Variants in PAX3 observed in about 807,000 individuals in gnomAD.
The protein encoded by PAX3 is paired box 3.
PAX3 carries 14 observed loss-of-function variants against 51.6 expected under a neutral mutation model. The ratio of observed to expected loss-of-function variants is 0.27; its 90% CI spans 0.18 to 0.42. The LOEUF (loss-of-function observed/expected upper bound fraction) is 0.42, where lower values mean the gene tolerates loss of function less well. Among genes scored for constraint, PAX3 ranks in the 10% least tolerant of loss-of-function variants. PAX3 has a pLI of 1.00. For synonymous variants in PAX3, 280 were observed against 253.4 expected (o/e 1.11, Z -1.00); for missense variants, 540 against 642.8 (o/e 0.84, Z 1.73).
rs762446077 is a variant in PAX3, at chr2:222,202,128, G to A, written c.1236C>T (p.Leu412=). Residue 412 remains leucine (L), a synonymous_variant, in exon 8 of 9, where the codon CTC becomes CTT. Coordinates refer to ENST00000392070, the MANE Select transcript of PAX3 (RefSeq NM_181458.4). ...GTTCCAGACCCCCGGTGAGAGGGGA[G>A]AGCGCGTAATCAGTCTGGGGCTGAT... is the stretch of plus-strand genomic sequence containing the variant. ...VPHQPQTDYA[L]SPLTGGLEPT... 4 of 1,613,184 alleles carry A rather than the reference G, an allele frequency of 2.5e-6. No individual in the cohort carries two copies. The highest frequency in any genetic ancestry group is 3.4e-6 in the Non-Finnish European group (4 of 1,179,592).
intron 2 of PAX3, among the ~76,000 whole-genome samples, chr2:222,296,147 A>G (rs45591638): frequency 3.3e-5 from 5 of 152,398 alleles, no homozygotes; most frequent in Admixed American, 3.3e-4. Context: ...CTTCGAGTCG[A>G]TAACAAATAT....
chr2:222,216,554 G>A lies in PAX3; in HGVS notation c.1173+3586C>T, dbSNP rs555494965. Among the ~76,000 whole-genome samples, 6 of 152,298 alleles carry A rather than the reference G, an allele frequency of 3.9e-5. No individual in the cohort carries two copies. The East Asian group carries it at 1.2e-3, about 29-fold the overall frequency. ...CTCCCTGAGACACTGCTTCACACCA[G>A]CCCCTCATGAAGCTGAGACCTTCTC... On this transcript the variant is annotated intron_variant, in intron 7 of 8. Coordinates refer to ENST00000392070, the MANE Select transcript of PAX3 (RefSeq NM_181458.4).
intron 4 of PAX3, among the ~76,000 whole-genome samples, chr2:222,247,460 T>C (rs1693271747): frequency 6.6e-6 from 1 of 152,192 alleles, no homozygotes; most frequent in Non-Finnish European, 1.5e-5. Context: ...TTTTAAAACC[T>C]AGAAATCACT....
chr2:222,200,251 G>A lies in PAX3; in HGVS notation c.*1157C>T, dbSNP rs1691242962. The A allele has an allele frequency of 9.1e-6, 2 of 218,948 alleles. No individual in the cohort carries two copies. Among genetic ancestry groups the A allele is most frequent in the East Asian group, 1.4e-4 (2 of 14,736 alleles). The allele number at this position is 218,948 out of a possible 1,614,324, so 13.6% of individuals were successfully genotyped here. On this transcript the variant is annotated 3_prime_UTR_variant, in exon 9 of 9. Transcript: ENST00000392070. ...ACCACACAAACGTATGTAAACCTCA[G>A]TTCCTATAATCTTTTAATATTGGAT... is the stretch of plus-strand genomic sequence containing the variant.
chr2:222,208,123 C>T (rs1340143817), intron 7 of PAX3, among the ~76,000 whole-genome samples: 1 of 151,886 alleles, frequency 6.6e-6, no homozygotes, highest in East Asian at 1.9e-4. Flanking sequence ...AATGAAAAAG[C>T]ATGCCAGTTA....
chr2:222,212,097 A>G (rs1296718751), intron 7 of PAX3, among the ~76,000 whole-genome samples: 1 of 152,148 alleles, frequency 6.6e-6, no homozygotes, highest in African/African-American at 2.4e-5. Context: ...TGTGGCATCA[A>G]TAGAGGCTAA....
At chr2:222,252,984 G>A (rs1693495446) in intron 4 of PAX3, among the ~76,000 whole-genome samples, 1 of 152,094 alleles carries the variant, frequency 6.6e-6, no homozygotes, top group South Asian at 2.1e-4. Context: ...TCCCAGAAAT[G>A]CTAGAACCAA....
rs1319212514 is a variant in PAX3, at chr2:222,297,104, G to C, written c.195C>G (p.His65Gln). 6.2e-7 allele frequency: 1 copy of C among 1,613,948 alleles called. No individual in the cohort carries two copies. Among genetic ancestry groups the C allele is most frequent in the South Asian group, 1.1e-5 (1 of 91,022 alleles). ...GCGAGATGACGCAGGGCCGGATGCC[G>C]TGGTGGGCCATCTCCACGATCTTGT... ...IRHKIVEMAH[H>Q]GIRPCVISRQ... The change falls in exon 2 of 9, where the codon CAC becomes CAG. Residue 65 changes from histidine (H) to glutamine (Q), a missense_variant. Coordinates refer to ENST00000392070, the MANE Select transcript of PAX3 (RefSeq NM_181458.4).
chr2:222,280,324 G>A (rs371337189), intron 4 of PAX3, among the ~76,000 whole-genome samples: 2 of 135,586 alleles, frequency 1.5e-5, no homozygotes, highest in East Asian at 4.3e-4. Flanking sequence ...AGGAGGGGGA[G>A]GGGAGGGGAG....
chr2:222,259,011 A>G (rs1693748502), intron 4 of PAX3, among the ~76,000 whole-genome samples: 1 of 152,230 alleles, frequency 6.6e-6, no homozygotes, highest in Non-Finnish European at 1.5e-5. Flanking sequence ...AGCCAGCGTC[A>G]ACAAGAAGAC....
chr2:222,281,534 T>A (rs1265885068), intron 4 of PAX3, among the ~76,000 whole-genome samples: 1 of 152,252 alleles, frequency 6.6e-6, no homozygotes, highest in South Asian at 2.1e-4. Context: ...TCTGATGATC[T>A]GTCAGTAACC....
intron 7 of PAX3, among the ~76,000 whole-genome samples, chr2:222,208,371 G>A (rs1691594352): frequency 6.6e-6 from 1 of 152,080 alleles, no homozygotes; most frequent in African/African-American, 2.4e-5. Flanking sequence ...AGCATATTAA[G>A]AGGGACTGAC....
Position 222,294,189 on chromosome 2 carries a change from G to C in PAX3, c.564C>G (p.Ile188Met), listed in dbSNP as rs759181003. The C allele has an allele frequency of 3.3e-5, 54 of 1,614,076 alleles. No homozygotes were observed. Among genetic ancestry groups the C allele is most frequent in the East Asian group, 2.0e-4 (9 of 44,892 alleles). Residue 188 changes from isoleucine to methionine, a missense_variant, in exon 4 of 9, where the codon ATC (isoleucine) becomes ATG (methionine). By Grantham distance (10) the Ile-to-Met change is conservative. Transcript: ENST00000392070. ...EESEKKAKHS[I>M]DGILSERASA... ...TACCTCGCTCGCTCAGGATGCCGTC[G>C]ATGCTGTGTTTGGCCTTCTTCTCGC...
At chr2:222,233,722 G>T (rs1008268029) in intron 4 of PAX3, among the ~76,000 whole-genome samples, 2 of 152,158 alleles carry the variant, frequency 1.3e-5, no homozygotes, top group Non-Finnish European at 2.9e-5. Flanking sequence ...TGAGCCTAGA[G>T]GGGGAACCAG....
chr2:222,232,447 A>G lies in PAX3; in HGVS notation c.587-164T>C, dbSNP rs45552537. 1.2e-3 allele frequency among the ~76,000 whole-genome samples: 182 copies of G among 152,340 alleles called. 1 individual carries two copies. The highest frequency in any genetic ancestry group is 3.9e-3 in the African/African-American group (163 of 41,578). ...AAACAAGTCTAACCAATCCGTAATA[A>G]TTCAAATCCTGGTCTACAGTGCATT... On this transcript the variant is annotated intron_variant, in intron 4 of 8. Transcript: ENST00000392070.
chr2:222,294,617 G>A (rs545987917), intron 3 of PAX3, among the ~76,000 whole-genome samples: 1 of 151,902 alleles, frequency 6.6e-6, no homozygotes, highest in East Asian at 1.9e-4. Context: ...TCCCTTCCTG[G>A]ACTCCGAAGA....
At chr2:222,202,364 G>A (rs1243229401) in intron 7 of PAX3, among the ~76,000 whole-genome samples, 174 bp from the exon 8 acceptor site, 4 of 151,966 alleles carry the variant, frequency 2.6e-5, no homozygotes, top group Admixed American at 6.6e-5. Context: ...CATCATGCCC[G>A]ACGATAACAT....
intron 7 of PAX3, among the ~76,000 whole-genome samples, chr2:222,217,807 G>C (rs1978860): frequency 0.81 from 122,614 of 152,116 alleles, 50,130 homozygotes; most frequent in Non-Finnish European, 0.85. Context: ...GAAAGCCAGA[G>C]AAGCAAAAGT....
rs1000880468 is a variant in PAX3 at position 222,200,075 on chromosome 2, G to A, written c.*1333C>T. 4.8e-5 allele frequency: 10 copies of A among 208,966 alleles called. No homozygotes were observed. Among genetic ancestry groups the A allele is most frequent in the African/African-American group, 9.1e-5 (4 of 43,918 alleles). 12.9% of individuals were successfully genotyped at this position (208,966 alleles called of 1,614,324 possible). A position where few individuals can be genotyped will look rare whatever the true frequency, so the allele number is the denominator to read the frequency against. On this transcript the variant is annotated 3_prime_UTR_variant, in exon 9 of 9. Transcript: ENST00000392070. ...GTACTATGTCTAGTCTCACTAACTC[G>A]CTACGTCATAGTTCTTAACTCTAAA...
Sources: gnomAD v4.1 joint callset for allele counts (sites outside exome capture counted in the v4.1 genomes callset) on GRCh38, gnomAD v4.1.1 for gene constraint, MANE v1.5 for transcripts, NCBI Gene and HGNC (gene_info 2026-07-23, HGNC 2026-07-21) for gene names.